DSCAM: variants seen among roughly 807,000 people sequenced by gnomAD.
The protein encoded by DSCAM is DS cell adhesion molecule.
A neutral mutation model predicts 217.7 loss-of-function variants in DSCAM; 47 were observed. That is an observed-to-expected ratio of 0.22 (90% CI 0.17 to 0.28). The LOEUF (loss-of-function observed/expected upper bound fraction) is 0.28, where lower values mean the gene tolerates loss of function less well. Among genes scored for constraint, DSCAM ranks in the 10% least tolerant of loss-of-function variants. DSCAM has a pLI of 1.00. For missense variants in DSCAM, 2,080 were observed against 2,618.3 expected, an observed-to-expected ratio of 0.79 and a Z score of 4.49; for synonymous variants, 1,056 against 1,015.3, an observed-to-expected ratio of 1.04 and a Z score of -0.76.
At chr21:40,318,913 G>A (rs2074230187) in intron 8 of DSCAM, among the ~76,000 whole-genome samples, 1 of 152,152 alleles carries the variant, frequency 6.6e-6, no homozygotes, top group African/African-American at 2.4e-5. Context: ...GAGCCAGTGG[G>A]GAATTCTTTG....
intron 3 of DSCAM, among the ~76,000 whole-genome samples, chr21:40,631,741 T>C (rs1370821300): frequency 2.6e-5 from 4 of 152,226 alleles, no homozygotes; most frequent in African/African-American, 9.6e-5. Context: ...TCATCCATTT[T>C]ATCTCTGTCC....
chr21:40,014,898 C>A (rs1261923057), intron 32 of DSCAM, among the ~76,000 whole-genome samples: 1 of 152,242 alleles, frequency 6.6e-6, no homozygotes, highest in Non-Finnish European at 1.5e-5. Context: ...CCTCTTCCTA[C>A]CTGCATTACT....
chr21:40,559,677 T>C (rs563412846), intron 3 of DSCAM, among the ~76,000 whole-genome samples: 22 of 152,190 alleles, frequency 1.4e-4, no homozygotes, highest in South Asian at 6.2e-4. Flanking sequence ...ATAAGTCATA[T>C]AGAAGTCAGC....
In DSCAM at chr21:40,259,661, C is replaced by CTTTTTTTTTTTT. The variant is rs542106779; in HGVS notation, c.2356+16424_2356+16435dup. On this transcript the variant is annotated intron_variant, in intron 11 of 32. Transcript: ENST00000400454. The stretch of plus-strand genomic sequence containing the variant: ...GAATGAAAGTTTTGAGTCAGCCATT[C>CTTTTTTTTTTTT]TTTTTTTTTTTTTTTTTTTTTTTTT... Among the ~76,000 whole-genome samples, 31 of 59,518 alleles carry CTTTTTTTTTTTT rather than the reference C, an allele frequency of 5.2e-4. 6 individuals carry two copies. Among genetic ancestry groups the CTTTTTTTTTTTT allele is most frequent in the Non-Finnish European group, 9.9e-4 (27 of 27,260 alleles). The allele number at this position is 59,518 out of a possible 152,430, so 39.0% of individuals were successfully genotyped here. A position where few individuals can be genotyped will look rare whatever the true frequency, so the allele number is the denominator to read the frequency against.
chr21:40,600,482 CTA>C (rs1365210929), intron 3 of DSCAM, among the ~76,000 whole-genome samples: 1 of 152,160 alleles, frequency 6.6e-6, no homozygotes, highest in Non-Finnish European at 1.5e-5. Context: ...CCTCCTAAGA[CTA>C]TCACAACATA....
chr21:40,825,119 T>G (rs2091957817), intron 1 of DSCAM, among the ~76,000 whole-genome samples: 1 of 152,338 alleles, frequency 6.6e-6, no homozygotes, highest in African/African-American at 2.4e-5. Flanking sequence ...TTTTTCTCAT[T>G]TATTTATTCA....
intron 1 of DSCAM, among the ~76,000 whole-genome samples, chr21:40,841,370 C>T (rs2092099772): frequency 6.6e-6 from 1 of 152,180 alleles, no homozygotes; most frequent in Non-Finnish European, 1.5e-5. Flanking sequence ...ACTGCCTTAT[C>T]TTAACCCATA....
intron 3 of DSCAM, among the ~76,000 whole-genome samples, chr21:40,600,205 G>T (rs1012250430): frequency 6.6e-6 from 1 of 152,122 alleles, no homozygotes; most frequent in Non-Finnish European, 1.5e-5. Flanking sequence ...AGCTAGCTTG[G>T]GTTGCTATAA....
chr21:40,296,190 T>G lies in DSCAM; in HGVS notation c.2063-16A>C. On this transcript the variant is annotated splice_polypyrimidine_tract_variant and intron_variant, in intron 9 of 32. Transcript: ENST00000400454. ...TTGGGAGGAACTGAAAAGAGAGAAATGTCACCAGTAATTAAGACTAGACCA... is the reference window on the plus strand; with the variant it reads ...TTGGGAGGAACTGAAAAGAGAGAAAGGTCACCAGTAATTAAGACTAGACCA... 6.2e-7 allele frequency: 1 copy of G among 1,613,380 alleles called. No homozygotes were observed. Among genetic ancestry groups the G allele is most frequent in the Non-Finnish European group, 8.5e-7 (1 of 1,179,748 alleles).
intron 3 of DSCAM, among the ~76,000 whole-genome samples, chr21:40,430,666 AC>A: frequency 6.6e-6 from 1 of 152,192 alleles, no homozygotes; most frequent in South Asian, 2.1e-4. Flanking sequence ...CCTCTAGAGA[AC>A]CCCAATTAAT....
At chr21:40,457,262 A>AGC (rs1291248628) in intron 3 of DSCAM, among the ~76,000 whole-genome samples, 1 of 152,208 alleles carries the variant, frequency 6.6e-6, no homozygotes, top group Non-Finnish European at 1.5e-5. Context: ...CTGTAACCTC[A>AGC]GCACTTCGGA....
At chr21:40,253,781 C>T (rs1379639250) in intron 11 of DSCAM, among the ~76,000 whole-genome samples, 1 of 152,282 alleles carries the variant, frequency 6.6e-6, no homozygotes, top group Admixed American at 6.5e-5. Flanking sequence ...CTGGAAGCTC[C>T]TGTGCTCAGG....
intron 32 of DSCAM, among the ~76,000 whole-genome samples, chr21:40,027,437 G>A (rs1166342023): frequency 1.3e-5 from 2 of 150,858 alleles, no homozygotes; most frequent in African/African-American, 4.9e-5. Flanking sequence ...TTGCTAGATT[G>A]GGGAAGTTCT....
At chr21:40,163,629 G>A (rs1306494318) in intron 16 of DSCAM, among the ~76,000 whole-genome samples, 1 of 151,780 alleles carries the variant, frequency 6.6e-6, no homozygotes, top group East Asian at 1.9e-4. Flanking sequence ...TCTTTCTATG[G>A]GCTTATATTT....
chr21:40,764,478 A>C (rs1192240730), intron 1 of DSCAM, among the ~76,000 whole-genome samples: 2 of 152,216 alleles, frequency 1.3e-5, no homozygotes, highest in Non-Finnish European at 2.9e-5. Context: ...GCAGAGAAAT[A>C]GGAACACTTT....
intron 11 of DSCAM, among the ~76,000 whole-genome samples, chr21:40,261,497 C>T (rs962535512): frequency 1.3e-5 from 2 of 152,124 alleles, no homozygotes; most frequent in African/African-American, 4.8e-5. Context: ...TTGGTCTTTT[C>T]TTGTCTTTGG....
In DSCAM at chr21:40,093,763, C is replaced by T; in HGVS notation, c.3808G>A (p.Gly1270Ser). Residue 1270 changes from glycine (G) to serine (S), a missense_variant, in exon 21 of 33, where the codon GGC becomes AGC. By Grantham distance (56) the Gly-to-Ser change is moderately conservative. Transcript: ENST00000400454. ...ACTGTGATGATTTCACTGCTGTTGC[C>T]TCTTCCGGCTGAAGTAACAGCCACC... The part of the protein sequence containing the change: ...WVVAVTSAGR[G>S]NSSEIITVEP... 6.2e-7 allele frequency: 1 copy of T among 1,613,942 alleles called. No individual in the cohort carries two copies. The highest frequency in any genetic ancestry group is 8.5e-7 in the Non-Finnish European group (1 of 1,179,968).
chr21:40,744,579 A>G (rs988423219), intron 1 of DSCAM, among the ~76,000 whole-genome samples: 2 of 152,214 alleles, frequency 1.3e-5, no homozygotes, highest in African/African-American at 2.4e-5. Context: ...AGTGCTCACT[A>G]TAAGTGTTCC....
At position 40,080,208 on chromosome 21, in the gene DSCAM, T is replaced by G. The variant is rs2089435220; in HGVS notation, c.4364A>C (p.Asn1455Thr). Residue 1455 changes from asparagine (N) to threonine (T), a missense_variant, in exon 25 of 33, where the codon AAT (asparagine) becomes ACT (threonine). Physicochemically the swap from Asn to Thr is moderately conservative, Grantham distance 65. Transcript: ENST00000400454. The part of the protein sequence containing the change: ...TWYKFTLTAQ[N>T]GVGPGRISEI... The stretch of plus-strand genomic sequence containing the variant: ...ACTTATGCGCCCTGGGCCCACTCCA[T>G]TTTGGGCTGTCAGTGTGAACTTATA... 1 of 1,612,196 alleles carries G rather than the reference T, an allele frequency of 6.2e-7. No individual in the cohort carries two copies. Among genetic ancestry groups the G allele is most frequent in the Non-Finnish European group, 8.5e-7 (1 of 1,179,496 alleles).
Sources: allele counts gnomAD v4.1 joint callset (sites outside exome capture counted in the v4.1 genomes callset), GRCh38; gene constraint gnomAD v4.1.1; transcripts MANE v1.5; gene names NCBI Gene and HGNC (gene_info 2026-07-23, HGNC 2026-07-21).